The following DCLK1 variants were observed in gnomAD, a reference collection of about 807,000 sequenced individuals.
The protein encoded by DCLK1 is doublecortin like kinase 1, also known as serine/threonine-protein kinase DCLK1.
Under a neutral mutation model 86.2 loss-of-function variants are expected in DCLK1, and 16 were observed. That is an observed-to-expected ratio of 0.19 (90% CI 0.13 to 0.28). The LOEUF is 0.28. Among genes scored for constraint, DCLK1 ranks in the 10% least tolerant of loss-of-function variants. DCLK1 has a pLI of 1.00. For missense variants in DCLK1, 590 were observed against 940.2 expected, an observed-to-expected ratio of 0.63 and a Z score of 4.87; for synonymous variants, 369 against 370.5, an observed-to-expected ratio of 1.00 and a Z score of 0.05.
chr13:35,943,565 T>C (rs1877202023), intron 4 of DCLK1, among the ~76,000 whole-genome samples: 1 of 152,022 alleles, frequency 6.6e-6, no homozygotes, highest in African/African-American at 2.4e-5. Context: ...GGATGACAGG[T>C]ATCTGGACTC....
Position 36,084,850 on chromosome 13 carries a change from A to G in DCLK1, c.723+27019T>C, listed in dbSNP as rs1381668329. 2.0e-5 allele frequency among the ~76,000 whole-genome samples: 3 copies of G among 152,220 alleles called. No homozygotes were observed. The East Asian group carries it at 5.8e-4, about 29-fold the overall frequency. On this transcript the variant is annotated intron_variant, in intron 3 of 16. Transcript: ENST00000360631. ...TTAACTTCCTAGGATAGACTTATAT[A>G]AGTACTTTCCCATCAGAAATAAAAT...
At chr13:36,067,033 T>G (rs1351608796) in intron 3 of DCLK1, among the ~76,000 whole-genome samples, 1 of 143,428 alleles carries the variant, frequency 7.0e-6, no homozygotes, top group East Asian at 2.1e-4. Flanking sequence ...AGAAATACCA[T>G]TTGACCCAGC....
chr13:35,811,572 G>A (rs886148216), intron 11 of DCLK1, among the ~76,000 whole-genome samples: 4 of 152,222 alleles, frequency 2.6e-5, no homozygotes, highest in Non-Finnish European at 5.9e-5. Context: ...TGTGGCTCAC[G>A]CCTGTAATCC....
chr13:36,047,011 A>G (rs542364161), intron 3 of DCLK1, among the ~76,000 whole-genome samples: 6 of 152,342 alleles, frequency 3.9e-5, no homozygotes, highest in Admixed American at 3.3e-4. Flanking sequence ...CAATTAAAAA[A>G]CGAGCAAAGC....
intron 4 of DCLK1, among the ~76,000 whole-genome samples, chr13:35,942,263 T>G (rs998443785): frequency 5.9e-5 from 9 of 151,932 alleles, no homozygotes; most frequent in Non-Finnish European, 7.4e-5. Context: ...GCCTCCCGGG[T>G]TCAAGTGATT....
At chr13:35,919,953 T>C (rs1290183962) in intron 4 of DCLK1, among the ~76,000 whole-genome samples, 1 of 152,042 alleles carries the variant, frequency 6.6e-6, no homozygotes, top group Non-Finnish European at 1.5e-5. Context: ...TGTAAAGTGC[T>C]TACGACACAG....
Position 35,786,418 on chromosome 13 carries a change from G to A in DCLK1, c.2058+6948C>T, listed in dbSNP as rs569615043. 9.2e-5 allele frequency among the ~76,000 whole-genome samples: 14 copies of A among 152,276 alleles called. No homozygotes were observed. The South Asian group carries it at 2.9e-3, about 32-fold the overall frequency. On this transcript the variant is annotated intron_variant, in intron 16 of 16. Coordinates refer to ENST00000360631, the MANE Select transcript of DCLK1 (RefSeq NM_001330071.2). Reference sequence around the variant, plus strand: ...AGACATATAATTTAAAAAGGATGGAGCATGGTGTGATTCGATTTCTATAGA... The same window carrying A: ...AGACATATAATTTAAAAAGGATGGAACATGGTGTGATTCGATTTCTATAGA...
intron 5 of DCLK1, among the ~76,000 whole-genome samples, chr13:35,867,108 C>T (rs1871851446): frequency 6.6e-6 from 1 of 152,162 alleles, no homozygotes; most frequent in African/African-American, 2.4e-5. Flanking sequence ...GAGTTGACTG[C>T]CCTGTGAAAC....
intron 3 of DCLK1, among the ~76,000 whole-genome samples, chr13:36,007,977 A>G (rs958732132): frequency 2.0e-5 from 3 of 152,008 alleles, no homozygotes; most frequent in Non-Finnish European, 2.9e-5. Context: ...AATCCTAAGG[A>G]GTAATTAATA....
At chr13:36,070,218 A>G (rs1165634698) in intron 3 of DCLK1, among the ~76,000 whole-genome samples, 1 of 152,214 alleles carries the variant, frequency 6.6e-6, no homozygotes, top group Non-Finnish European at 1.5e-5. Context: ...CAATAACAGC[A>G]TCTTCCAAAG....
intron 3 of DCLK1, among the ~76,000 whole-genome samples, chr13:35,952,813 C>A (rs2153134667): frequency 6.6e-6 from 1 of 152,250 alleles, no homozygotes; most frequent in African/African-American, 2.4e-5. Flanking sequence ...TTGCATGAGA[C>A]TCTATGTGAT....
rs763049563 is a variant in DCLK1, at chr13:35,947,429, T to C, written c.752A>G (p.Asp251Gly). Residue 251 changes from aspartate to glycine, a missense_variant, in exon 4 of 17, where the codon GAT (aspartate) becomes GGT (glycine). By Grantham distance (94) the Asp-to-Gly change is moderately conservative. Around this residue, in one of 6 missense-constraint regions of DCLK1, gnomAD observed 195 missense variants for 365.1 expected, o/e 0.53. Coordinates refer to ENST00000360631, the MANE Select transcript of DCLK1 (RefSeq NM_001330071.2). ...TCCACATGCAATAAAAATGTCATCA[T>C]CACCAAAAAAGTCCTGAAGGCACAT... ...QVMCLQDFFG[D>G]DDIFIACGPE... 2.5e-6 allele frequency: 4 copies of C among 1,613,816 alleles called. No individual in the cohort carries two copies. The highest frequency in any genetic ancestry group is 2.5e-6 in the Non-Finnish European group (3 of 1,179,858).
At chr13:36,087,773 A>G (rs1884664785) in intron 3 of DCLK1, among the ~76,000 whole-genome samples, 1 of 152,146 alleles carries the variant, frequency 6.6e-6, no homozygotes, top group Non-Finnish European at 1.5e-5. Context: ...TGGATTCCCA[A>G]TACTAGAAAC....
chr13:35,983,802 C>G (rs1373625483), intron 3 of DCLK1, among the ~76,000 whole-genome samples: 1 of 152,152 alleles, frequency 6.6e-6, no homozygotes, highest in African/African-American at 2.4e-5. Flanking sequence ...CTAGTGAATA[C>G]AGGAGACAGC....
At chr13:36,071,083 G>C (rs1883958230) in intron 3 of DCLK1, among the ~76,000 whole-genome samples, 1 of 152,032 alleles carries the variant, frequency 6.6e-6, no homozygotes. Context: ...TTGCATAATA[G>C]AATGCACATT....
At position 36,008,730 on chromosome 13, in the gene DCLK1, T is replaced by C. The variant is rs1187932298; in HGVS notation, c.724-61273A>G. Among the ~76,000 whole-genome samples, 3 of 150,898 alleles carry C rather than the reference T, an allele frequency of 2.0e-5. No individual in the cohort carries two copies. In the East Asian group the frequency reaches 5.9e-4, roughly 30 times the overall value. On this transcript the variant is annotated intron_variant, in intron 3 of 16. Coordinates refer to ENST00000360631, the MANE Select transcript of DCLK1 (RefSeq NM_001330071.2). ...GCAGCATGATTTCTAGTCATTTGGG[T>C]ATATACCCAGTAATGGGATGGCTGG...
intron 4 of DCLK1, among the ~76,000 whole-genome samples, chr13:35,902,309 T>C (rs575321633): frequency 1.2e-4 from 18 of 152,296 alleles, no homozygotes; most frequent in African/African-American, 3.8e-4. Flanking sequence ...CTGTGGCATA[T>C]ATGGTGATTC....
intron 4 of DCLK1, among the ~76,000 whole-genome samples, chr13:35,894,556 G>GA (rs397747837): frequency 1.3e-5 from 2 of 151,874 alleles, no homozygotes; most frequent in African/African-American, 2.4e-5. Context: ...TAGAGGCAGG[G>GA]TGTAAGAGTG....
intron 3 of DCLK1, among the ~76,000 whole-genome samples, chr13:36,023,154 GAGAT>G (rs1327020943): frequency 1.3e-5 from 2 of 152,194 alleles, no homozygotes; most frequent in Admixed American, 6.5e-5. Context: ...TCTGTAGGGA[GAGAT>G]AGATAGATGT....
Sources: gnomAD v4.1 joint callset for allele counts (sites outside exome capture counted in the v4.1 genomes callset) on GRCh38, gnomAD v4.1.1 for gene constraint, gnomAD v4.1.1 regional missense constraint, MANE v1.5 for transcripts, NCBI Gene and HGNC (gene_info 2026-07-23, HGNC 2026-07-21) for gene names.